Variants in MORC3 observed in about 807,000 individuals in gnomAD.
MORC3 encodes the protein MORC family CW-type zinc finger 3, also known as MORC family CW-type zinc finger protein 3.
In MORC3, 31 loss-of-function variants were observed where a neutral mutation model predicts 109.1. That is an observed-to-expected ratio of 0.28 (90% CI 0.21 to 0.38). MORC3 has a LOEUF of 0.38. MORC3 is among the 10% of genes least tolerant of loss of function. The pLI is 1.00. For missense variants in MORC3, 867 were observed against 1,135.8 expected (o/e 0.76, Z 3.40); for synonymous variants, 395 against 380.7 (o/e 1.04, Z -0.44).
chr21:36,371,709 A>G (rs182957254), intron 15 of MORC3, among the ~76,000 whole-genome samples: 175 of 151,672 alleles, frequency 1.2e-3, no homozygotes, highest in Non-Finnish European at 2.0e-3. Flanking sequence ...TAAACTCATT[A>G]TTGTAACTTA....
chr21:36,341,541 C>T lies in MORC3; in HGVS notation c.751C>T (p.Leu251=), dbSNP rs2146304699. The T allele has an allele frequency of 1.2e-6, 2 of 1,613,866 alleles. No homozygotes were observed. The highest frequency in any genetic ancestry group is 2.2e-5 in the East Asian group (1 of 44,878). The change falls in exon 6 of 17, where the codon CTG becomes TTG. Residue 251 remains leucine, a synonymous_variant. Coordinates refer to ENST00000400485, the MANE Select transcript of MORC3 (RefSeq NM_015358.3). ...GATTGCCCCTGAGAGTGACTATTCC[C>T]TGAGGGTATGTATTCAGCTCTCTTT... is the stretch of plus-strand genomic sequence containing the variant. ...DQIAPESDYS[L]RAYCSILYLK...
intron 6 of MORC3, among the ~76,000 whole-genome samples, chr21:36,342,072 GC>G (rs1569095554): frequency 6.6e-6 from 1 of 151,996 alleles, no homozygotes; most frequent in Non-Finnish European, 1.5e-5. Context: ...TACTAAAAAT[GC>G]AAAAATTAGT....
At chr21:36,322,464 C>G (rs920800530) in intron 1 of MORC3, among the ~76,000 whole-genome samples, 1 of 152,110 alleles carries the variant, frequency 6.6e-6, no homozygotes, top group Admixed American at 6.6e-5. Context: ...CTCCACCTCC[C>G]GGATTCAAGC....
In MORC3 at chr21:36,324,756, G is replaced by A. The variant is rs1229780601; in HGVS notation, c.39+4453G>A. Among the ~76,000 whole-genome samples, 5 of 142,568 alleles carry A rather than the reference G, an allele frequency of 3.5e-5. No homozygotes were observed. The Admixed American group carries it at 3.6e-4, about 10-fold the overall frequency. 93.5% of individuals were successfully genotyped at this position (142,568 alleles called of 152,430 possible). Reference sequence around the variant, plus strand: ...GAGTTTCACTCTTGTTGCCCAGGCTGGAGTGCAGTGGCATGATCTCAGCTC... The same window carrying A: ...GAGTTTCACTCTTGTTGCCCAGGCTAGAGTGCAGTGGCATGATCTCAGCTC... On this transcript the variant is annotated intron_variant, in intron 1 of 16. Coordinates refer to ENST00000400485, the MANE Select transcript of MORC3 (RefSeq NM_015358.3).
rs1475456727 is a variant in MORC3 at position 36,369,429 on chromosome 21, A to G, written c.2061A>G (p.Lys687=). ...ATGAAACCCAGGAAACCACCGATAAATCTGCAGATGATGCAGGCTGCCAAT... is the reference window on the plus strand; with the variant it reads ...ATGAAACCCAGGAAACCACCGATAAGTCTGCAGATGATGCAGGCTGCCAAT... The part of the protein sequence containing the change: ...KIHETQETTD[K]SADDAGCQLQ... The change falls in exon 15 of 17, where the codon AAA becomes AAG. Residue 687 remains lysine, a synonymous_variant. Coordinates refer to ENST00000400485, the MANE Select transcript of MORC3 (RefSeq NM_015358.3). 3.1e-6 allele frequency: 5 copies of G among 1,614,086 alleles called. No homozygotes were observed. In the African/African-American group the frequency reaches 5.3e-5, roughly 17 times the overall value.
intron 1 of MORC3, among the ~76,000 whole-genome samples, chr21:36,332,862 A>G (rs2085331743): frequency 6.8e-6 from 1 of 147,706 alleles, no homozygotes; most frequent in Non-Finnish European, 1.5e-5. Context: ...ATCTTGGCTC[A>G]CTGCAAGCTC....
At chr21:36,359,814 CTAATTTTGAAAGAGTTACGTCA>C in intron 10 of MORC3, 119 bp from the exon 11 acceptor site, 7 of 1,242,958 alleles carry the variant, frequency 5.6e-6, no homozygotes, top group Non-Finnish European at 7.9e-6. Context: ...CGCACCCAGC[CTAATTTTGAAAGAGTTACGTCA>C]TAATTTTTAG....
At chr21:36,336,075 G>A (rs1338702248) in intron 2 of MORC3, among the ~76,000 whole-genome samples, 8 of 150,068 alleles carry the variant, frequency 5.3e-5, no homozygotes, top group African/African-American at 1.7e-4. Context: ...ATAGGTGCCC[G>A]CCACCATGCC....
Position 36,367,788 on chromosome 21 carries a change from C to G in MORC3, c.1620-1200C>G, listed in dbSNP as rs187301371. Among the ~76,000 whole-genome samples the G allele has an allele frequency of 3.9e-5, 6 of 152,008 alleles. No homozygotes were observed. The East Asian group carries it at 1.2e-3, about 29-fold the overall frequency. ...CAGAAAGAAACAGATTATGTACGGGCAAGAGATGAGGAATTAGAATGGCAG... is the reference window on the plus strand; with the variant it reads ...CAGAAAGAAACAGATTATGTACGGGGAAGAGATGAGGAATTAGAATGGCAG... On this transcript the variant is annotated intron_variant, in intron 14 of 16. Coordinates refer to ENST00000400485, the MANE Select transcript of MORC3 (RefSeq NM_015358.3).
At chr21:36,364,862 G>A (rs1330639526) in intron 14 of MORC3, among the ~76,000 whole-genome samples, 1 of 151,892 alleles carries the variant, frequency 6.6e-6, no homozygotes, top group East Asian at 1.9e-4. Flanking sequence ...GACCAGCCTG[G>A]CCAACATGGT....
chr21:36,374,583 G>A (rs1472524117), intron 16 of MORC3, among the ~76,000 whole-genome samples: 1 of 152,082 alleles, frequency 6.6e-6, no homozygotes, highest in Non-Finnish European at 1.5e-5. Flanking sequence ...TTGAGCCCAG[G>A]AGTTTGAGAC....
chr21:36,346,376 C>G (rs944651845), intron 8 of MORC3, among the ~76,000 whole-genome samples: 1 of 152,094 alleles, frequency 6.6e-6, no homozygotes, highest in Non-Finnish European at 1.5e-5. Context: ...CAGAATATTT[C>G]TTTTATCCCT....
chr21:36,355,149 C>T (rs1202105424), intron 9 of MORC3, among the ~76,000 whole-genome samples: 1 of 152,130 alleles, frequency 6.6e-6, no homozygotes, highest in Admixed American at 6.6e-5. Flanking sequence ...ACAATCTTTT[C>T]CGTAGATTTG....
chr21:36,349,310 G>A lies in MORC3; in HGVS notation c.1006-1G>A. On this transcript the variant is annotated splice_acceptor_variant, in intron 8 of 16. Transcript: ENST00000400485. LOFTEE classifies it high-confidence loss of function. ...ATGCTGATTTCATTTTATTTTTTCA[G>A]GCAAACAACATGGGTGTTGGAGTGG... 1 of 1,599,496 alleles carries A rather than the reference G, an allele frequency of 6.3e-7. No individual in the cohort carries two copies. Among genetic ancestry groups the A allele is most frequent in the Non-Finnish European group, 8.5e-7 (1 of 1,174,798 alleles).
At chr21:36,329,086 A>C (rs2146289110) in intron 1 of MORC3, among the ~76,000 whole-genome samples, 1 of 152,232 alleles carries the variant, frequency 6.6e-6, no homozygotes, top group South Asian at 2.1e-4. Context: ...TGAGGTCGGC[A>C]GTTCGAGACC....
intron 1 of MORC3, among the ~76,000 whole-genome samples, chr21:36,325,482 AT>A (rs1373837304): frequency 2.6e-5 from 4 of 152,240 alleles, no homozygotes; most frequent in Non-Finnish European, 5.9e-5. Context: ...GTAGCAAACA[AT>A]TTATGCTAAC....
rs1463428051 is a variant in MORC3 at position 36,376,300 on chromosome 21, G to A, written c.*1004G>A. The A allele has an allele frequency of 6.6e-6, 1 of 152,560 alleles. No individual in the cohort carries two copies. The highest frequency in any genetic ancestry group is 2.4e-5 in the African/African-American group (1 of 41,416). 9.5% of individuals were successfully genotyped at this position (152,560 alleles called of 1,614,324 possible). A position where few individuals can be genotyped will look rare whatever the true frequency, so the allele number is the denominator to read the frequency against. On this transcript the variant is annotated 3_prime_UTR_variant, in exon 17 of 17. Coordinates refer to ENST00000400485, the MANE Select transcript of MORC3 (RefSeq NM_015358.3). ...TTTTAAAGAGATGGCTTTCTATTAA[G>A]TATAAACTATGTATATATAAGAACC...
intron 14 of MORC3, among the ~76,000 whole-genome samples, chr21:36,367,966 T>C (rs953406246): frequency 6.6e-6 from 1 of 152,224 alleles, no homozygotes; most frequent in African/African-American, 2.4e-5. Context: ...GCGTTTGTTA[T>C]GTTCTGTGTA....
chr21:36,320,532 G>C, intron 1 of MORC3: 1 of 369,766 alleles, frequency 2.7e-6, no homozygotes, highest in Non-Finnish European at 4.6e-6. Context: ...GCTTCGGGGC[G>C]GGCCAGGGTC....
Sources: gnomAD v4.1 joint callset for allele counts (sites outside exome capture counted in the v4.1 genomes callset) on GRCh38, gnomAD v4.1.1 for gene constraint, MANE v1.5 for transcripts, NCBI Gene and HGNC (gene_info 2026-07-23, HGNC 2026-07-21) for gene names.